SLC2A14: variants seen among roughly 807,000 people sequenced by gnomAD.
SLC2A14 encodes solute carrier family 2, facilitated glucose transporter member 14.
A neutral mutation model predicts 43.0 loss-of-function variants in SLC2A14; 13 were observed. The ratio of observed to expected loss-of-function variants is 0.30; its 90% CI spans 0.20 to 0.48. SLC2A14 has a LOEUF of 0.48. Ranked by LOEUF, SLC2A14 falls within the 20% of genes least tolerant of loss-of-function variation. The pLI is 0.99. For synonymous variants in SLC2A14, 190 were observed against 233.8 expected (o/e 0.81, Z 1.71); for missense variants, 428 against 620.4 (o/e 0.69, Z 3.29).
At position 7,890,535 on chromosome 12, in the gene SLC2A14, A is replaced by G. The variant is rs773316390; in HGVS notation, c.132+461T>C. Among the ~76,000 whole-genome samples the G allele has an allele frequency of 7.8e-4, 119 of 151,866 alleles. 1 individual carries two copies. The highest frequency in any genetic ancestry group is 2.9e-3 in the African/African-American group (118 of 41,378). ...TTGTTTTTTTGGTTTATTTTGATCA[A>G]CTCTACTAAATTGTTAGCTCATTTT... On this transcript the variant is annotated intron_variant, in intron 1 of 9. Coordinates refer to the SLC2A14 transcript ENST00000539924.
In SLC2A14 at chr12:7,850,360, G is replaced by A. The variant is rs758806572; in HGVS notation, c.19-17546C>T. On this transcript the variant is annotated intron_variant, in intron 2 of 10. Transcript: ENST00000431042. ...TTGAATACCAGTAGTTCTACTTCAA[G>A]TGTAAGCCCTCAGGTGAGGAATGAA... 3.3e-5 allele frequency among the ~76,000 whole-genome samples: 5 copies of A among 152,268 alleles called. No homozygotes were observed. In the South Asian group the frequency reaches 1.0e-3, roughly 32 times the overall value.
At chr12:7,840,248 C>T (rs1865841702) in intron 2 of SLC2A14, among the ~76,000 whole-genome samples, 1 of 140,872 alleles carries the variant, frequency 7.1e-6, no homozygotes, top group African/African-American at 2.6e-5. Context: ...GACGGAGCAA[C>T]AGTCGCCATC....
intron 7 of SLC2A14, among the ~76,000 whole-genome samples, chr12:7,826,858 C>CCTTTCTTTCTTTT (rs1565507403): frequency 2.3e-5 from 1 of 43,190 alleles, no homozygotes; most frequent in South Asian, 7.9e-4. Context: ...TCCTTCCTTT[C>CCTTTCTTTCTTTT]TTTTTTCTTT....
chr12:7,882,934 G>T (rs1945613714), intron 1 of SLC2A14, among the ~76,000 whole-genome samples: 1 of 151,864 alleles, frequency 6.6e-6, no homozygotes, highest in Non-Finnish European at 1.5e-5. Context: ...CTCCTGGCTA[G>T]GTGTGGTGGC....
chr12:7,855,870 C>T (rs1335784050), intron 2 of SLC2A14, among the ~76,000 whole-genome samples: 5 of 151,070 alleles, frequency 3.3e-5, no homozygotes, highest in African/African-American at 7.3e-5. Context: ...CTCCTGACCT[C>T]GTGATCTGCC....
intron 10 of SLC2A14, among the ~76,000 whole-genome samples, chr12:7,815,102 G>C (rs2120636593): frequency 6.6e-6 from 1 of 150,408 alleles, no homozygotes; most frequent in African/African-American, 2.4e-5. Context: ...CTGGCCTTGA[G>C]TATTATTTTT....
intron 2 of SLC2A14, among the ~76,000 whole-genome samples, chr12:7,866,945 T>C (rs75997176): frequency 7.2e-6 from 1 of 138,888 alleles, no homozygotes; most frequent in Non-Finnish European, 1.6e-5. Flanking sequence ...ACTTTCATGG[T>C]TTTTTTTTTT....
chr12:7,844,543 C>CTT (rs34332998), intron 2 of SLC2A14, among the ~76,000 whole-genome samples: 73,337 of 145,916 alleles, frequency 0.5, 18,211 homozygotes, highest in Middle Eastern at 0.62. Flanking sequence ...TAGTAAACTC[C>CTT]TTTTTTTTTT....
Position 7,821,217 on chromosome 12 carries a change from T to C in SLC2A14, c.969+4A>G. Reference sequence around the variant, plus strand: ...CCCCAAAATTATCAAACCATCCAACTTACAGAAAGTAAAGTGAAGATAGTA... The same window carrying C: ...CCCCAAAATTATCAAACCATCCAACCTACAGAAAGTAAAGTGAAGATAGTA... On this transcript the variant is annotated splice_donor_region_variant and intron_variant, in intron 8 of 10. Coordinates refer to ENST00000431042, the MANE Select transcript of SLC2A14 (RefSeq NM_001286234.2). 2 of 1,611,198 alleles carry C rather than the reference T, an allele frequency of 1.2e-6. No individual in the cohort carries two copies. Among genetic ancestry groups the C allele is most frequent in the Non-Finnish European group, 1.7e-6 (2 of 1,177,762 alleles).
intron 2 of SLC2A14, among the ~76,000 whole-genome samples, chr12:7,858,593 G>A (rs914213015): frequency 8.5e-5 from 13 of 152,054 alleles, no homozygotes; most frequent in Non-Finnish European, 1.3e-4. Flanking sequence ...TCCGCCTCCC[G>A]GGTTCAAGCG....
At chr12:7,827,079 C>CT (rs1189485109) in intron 7 of SLC2A14, among the ~76,000 whole-genome samples, 1 of 107,460 alleles carries the variant, frequency 9.3e-6, no homozygotes, top group Non-Finnish European at 1.9e-5. Flanking sequence ...CTCTCTCTTT[C>CT]TTTCTTTCTT....
chr12:7,833,500 CTCA>C (rs979506045), intron 2 of SLC2A14, among the ~76,000 whole-genome samples: 1 of 152,182 alleles, frequency 6.6e-6, no homozygotes, highest in Non-Finnish European at 1.5e-5. Flanking sequence ...GGCACGGTGG[CTCA>C]TGCCTGTCAT....
At chr12:7,881,021 C>G (rs917299283) in intron 1 of SLC2A14, among the ~76,000 whole-genome samples, 2 of 152,120 alleles carry the variant, frequency 1.3e-5, no homozygotes, top group Admixed American at 6.6e-5. Context: ...CGCCTGTTGT[C>G]CCAGCTACTC....
rs1945687800 is a variant in SLC2A14, at chr12:7,886,255, G to A, written c.132+4741C>T. 2.1e-5 allele frequency among the ~76,000 whole-genome samples: 3 copies of A among 143,004 alleles called. No homozygotes were observed. In the South Asian group the frequency reaches 6.6e-4, roughly 31 times the overall value. 93.8% of individuals were successfully genotyped at this position (143,004 alleles called of 152,430 possible). On this transcript the variant is annotated intron_variant, in intron 1 of 9. Coordinates refer to the SLC2A14 transcript ENST00000539924. ...TGGCTCACTGAAGCCTTGACCTTCT[G>A]GGCTCAAAGGATCCTCCCACCTCAG... is the stretch of plus-strand genomic sequence containing the variant.
At chr12:7,854,842 G>A (rs1190375572) in intron 2 of SLC2A14, among the ~76,000 whole-genome samples, 3 of 150,912 alleles carry the variant, frequency 2.0e-5, no homozygotes, top group Admixed American at 1.3e-4. Flanking sequence ...ATGGAGTCTC[G>A]CTCTGTCACC....
At chr12:7,869,978 A>AGTCC in intron 1 of SLC2A14, 41 bp from the exon 2 acceptor site, 1 of 1,300,910 alleles carries the variant, frequency 7.7e-7, no homozygotes, top group Non-Finnish European at 1.1e-6. Context: ...TACTCCATCT[A>AGTCC]CTTAAGCTCC....
upstream of SLC2A14, chr12:7,873,157 G>A (rs866598286): frequency 7.0e-5 from 69 of 985,602 alleles, no homozygotes; most frequent in Middle Eastern, 1.0e-3. Context: ...TCCTGCGACC[G>A]GGCGGGGGAA....
chr12:7,880,248 C>T (rs1348629188), intron 1 of SLC2A14, among the ~76,000 whole-genome samples: 6 of 151,930 alleles, frequency 3.9e-5, no homozygotes, highest in Admixed American at 1.3e-4. Flanking sequence ...TGCAGTGAGC[C>T]GAGATCGCGC....
chr12:7,821,544 A>T (rs1252100930), intron 7 of SLC2A14, among the ~76,000 whole-genome samples: 1 of 152,082 alleles, frequency 6.6e-6, no homozygotes, highest in Non-Finnish European at 1.5e-5. Context: ...TTAGCTAGGC[A>T]TGGTGGCACA....
Sources: allele counts gnomAD v4.1 joint callset (sites outside exome capture counted in the v4.1 genomes callset), GRCh38; gene constraint gnomAD v4.1.1; transcripts MANE v1.5; gene names NCBI Gene and HGNC (gene_info 2026-07-23, HGNC 2026-07-21).